Variants in DPP10 observed in about 807,000 individuals in gnomAD.
The protein encoded by DPP10 is dipeptidyl peptidase like 10, also known as inactive dipeptidyl peptidase 10.
A neutral mutation model predicts 120.9 loss-of-function variants in DPP10; 33 were observed. That is an observed-to-expected ratio of 0.27 (90% CI 0.21 to 0.37). The LOEUF is 0.37. Ranked by LOEUF, DPP10 falls within the 10% of genes least tolerant of loss-of-function variation. The probability of loss-of-function intolerance (pLI) is 1.00; values close to 1 mark genes in which losing one functional copy is unlikely to be tolerated. For missense variants in DPP10, 816 were observed against 942.8 expected (o/e 0.87, Z 1.76); for synonymous variants, 337 against 326.1 (o/e 1.03, Z -0.36).
Position 115,206,254 on chromosome 2 carries a change from A to G in DPP10, c.61-102985A>G, listed in dbSNP as rs17044177. On this transcript the variant is annotated intron_variant, in intron 1 of 25. Coordinates refer to ENST00000410059, the MANE Select transcript of DPP10 (RefSeq NM_020868.6). ...CTACTTGGATTTATGTTTGGTAAAT[A>G]TGTTAGTGTGAGATAATGTACCATA... is the stretch of plus-strand genomic sequence containing the variant. Among the ~76,000 whole-genome samples the G allele has an allele frequency of 4.8e-3, 734 of 152,256 alleles. 6 individuals are homozygous for G. Among genetic ancestry groups the G allele is most frequent in the African/African-American group, 0.016 (647 of 41,568 alleles).
At chr2:115,336,583 GTC>G (rs937225864) in intron 2 of DPP10, among the ~76,000 whole-genome samples, 20 of 97,084 alleles carry the variant, frequency 2.1e-4, no homozygotes, top group African/African-American at 4.2e-4. Flanking sequence ...CTCTCTCTCT[GTC>G]TCTCTCTCTC....
chr2:115,342,185 ATGTATG>A, intron 2 of DPP10: 1 of 453,998 alleles, frequency 2.2e-6, no homozygotes, highest in Non-Finnish European at 4.4e-6. Flanking sequence ...TCTATTATGT[ATGTATG>A]TGTGTGTGTG....
chr2:115,735,371 A>G (rs978591147), intron 8 of DPP10, among the ~76,000 whole-genome samples: 1 of 152,106 alleles, frequency 6.6e-6, no homozygotes, highest in Admixed American at 6.6e-5. Flanking sequence ...ATAAAAACTT[A>G]TTATGTGATC....
intron 1 of DPP10, among the ~76,000 whole-genome samples, chr2:114,970,156 G>A (rs1425726040): frequency 6.6e-6 from 1 of 152,086 alleles, no homozygotes; most frequent in Non-Finnish European, 1.5e-5. Flanking sequence ...CCTGGAGCAT[G>A]CACAAGTTTT....
chr2:115,190,386 T>G (rs2054789243), intron 1 of DPP10, among the ~76,000 whole-genome samples: 1 of 151,998 alleles, frequency 6.6e-6, no homozygotes, highest in African/African-American at 2.4e-5. Flanking sequence ...GTGAAAGGCA[T>G]GACCAGTTGA....
chr2:115,485,863 T>A (rs1165375685), intron 3 of DPP10, among the ~76,000 whole-genome samples: 1 of 152,132 alleles, frequency 6.6e-6, no homozygotes, highest in Non-Finnish European at 1.5e-5. Flanking sequence ...ATTTCAGTTA[T>A]GATATTGCAA....
chr2:115,177,755 TTTTTG>T (rs990682467), intron 1 of DPP10, among the ~76,000 whole-genome samples: 5 of 106,800 alleles, frequency 4.7e-5, no homozygotes, highest in African/African-American at 1.8e-4. Flanking sequence ...TTTTGTTTTG[TTTTTG>T]TTTTTGTTTG....
At chr2:115,287,336 G>A (rs2060445378) in intron 1 of DPP10, among the ~76,000 whole-genome samples, 2 of 152,000 alleles carry the variant, frequency 1.3e-5, no homozygotes, top group Admixed American at 1.3e-4. Flanking sequence ...AAGTCGTGCT[G>A]GGTTATGTGG....
At chr2:115,834,462 A>G (rs1033200504) in intron 21 of DPP10, among the ~76,000 whole-genome samples, 5 of 152,008 alleles carry the variant, frequency 3.3e-5, no homozygotes, top group African/African-American at 7.3e-5. Flanking sequence ...TACTGAGAGT[A>G]GGGCTGAAAA....
At chr2:114,571,305 C>T (rs1386234672) in intron 1 of DPP10, among the ~76,000 whole-genome samples, 1 of 152,022 alleles carries the variant, frequency 6.6e-6, no homozygotes, top group African/African-American at 2.4e-5. Context: ...GTGGTGCCTC[C>T]TCACTCTCTC....
intron 1 of DPP10, among the ~76,000 whole-genome samples, chr2:114,520,433 T>C (rs1684958558): frequency 6.6e-6 from 1 of 152,214 alleles, no homozygotes; most frequent in Non-Finnish European, 1.5e-5. Context: ...ACTGCAAGAA[T>C]GCCACCACTT....
At chr2:115,176,285 A>C (rs1166602336) in intron 1 of DPP10, among the ~76,000 whole-genome samples, 1 of 147,786 alleles carries the variant, frequency 6.8e-6, no homozygotes, top group African/African-American at 2.4e-5. Context: ...AAAAAATTTA[A>C]ATATATTTAT....
At chr2:114,919,219 A>G (rs1695024541) in intron 1 of DPP10, among the ~76,000 whole-genome samples, 1 of 152,140 alleles carries the variant, frequency 6.6e-6, no homozygotes, top group Non-Finnish European at 1.5e-5. Context: ...ATGAGGCATA[A>G]CATCAAGTTT....
intron 5 of DPP10, among the ~76,000 whole-genome samples, chr2:115,611,827 C>G (rs1431602893): frequency 2.0e-5 from 3 of 152,056 alleles, no homozygotes; most frequent in African/African-American, 7.2e-5. Flanking sequence ...TTCTCTCTCT[C>G]TCTCTCAAAA....
intron 1 of DPP10, among the ~76,000 whole-genome samples, chr2:115,033,377 T>G (rs1225974390): frequency 6.6e-6 from 1 of 152,208 alleles, no homozygotes; most frequent in East Asian, 1.9e-4. Context: ...TCTGTCACTC[T>G]CTGTCCCTTT....
chr2:114,751,937 T>A (rs1336021581), intron 1 of DPP10, among the ~76,000 whole-genome samples: 8 of 152,230 alleles, frequency 5.3e-5, no homozygotes, highest in Admixed American at 5.2e-4. Flanking sequence ...GGTCAGTAGA[T>A]CTGGCATGGG....
intron 1 of DPP10, among the ~76,000 whole-genome samples, chr2:115,094,646 G>A (rs972135335): frequency 2.6e-5 from 4 of 152,048 alleles, no homozygotes; most frequent in African/African-American, 9.7e-5. Context: ...AGTATTTACC[G>A]AGGTCAGCAG....
chr2:115,181,964 A>G (rs1366099899), intron 1 of DPP10, among the ~76,000 whole-genome samples: 5 of 152,256 alleles, frequency 3.3e-5, no homozygotes, highest in African/African-American at 9.6e-5. Flanking sequence ...GCCATAATCT[A>G]TCAACACATG....
intron 3 of DPP10, among the ~76,000 whole-genome samples, chr2:115,358,171 CT>C (rs2064530456): frequency 6.6e-6 from 1 of 152,104 alleles, no homozygotes; most frequent in African/African-American, 2.4e-5. Context: ...ATGGGTTTTT[CT>C]TTTCTATCAT....
Sources: gnomAD v4.1 joint callset for allele counts (sites outside exome capture counted in the v4.1 genomes callset) on GRCh38, gnomAD v4.1.1 for gene constraint, MANE v1.5 for transcripts, NCBI Gene and HGNC (gene_info 2026-07-23, HGNC 2026-07-21) for gene names.